The following ZNF679 variants were observed in gnomAD, a reference collection of about 807,000 sequenced individuals.
The protein encoded by ZNF679 is zinc finger protein 679.
In ZNF679, 10 loss-of-function variants were observed where a neutral mutation model predicts 13.4. That is an observed-to-expected ratio of 0.75 (90% CI 0.46 to 1.27). The LOEUF is 1.27. Among genes scored for constraint, ZNF679 ranks in the 50% most tolerant of loss-of-function variants. The pLI is 0.00. For synonymous variants in ZNF679, 179 were observed against 162.5 expected, an observed-to-expected ratio of 1.10 and a Z score of -0.77; for missense variants, 525 against 477.8, an observed-to-expected ratio of 1.10 and a Z score of -0.92.
At chr7:64,259,132 G>A (rs191116856) in intron 2 of ZNF679, among the ~76,000 whole-genome samples, 7 of 152,130 alleles carry the variant, frequency 4.6e-5, no homozygotes, top group Admixed American at 1.3e-4. Context: ...GGCTGGTCTC[G>A]AACTCCTGAC....
At chr7:64,260,110 A>T (rs1263309784) in intron 2 of ZNF679, 111 bp from the exon 3 acceptor site, 5 of 962,736 alleles carry the variant, frequency 5.2e-6, no homozygotes, top group Non-Finnish European at 7.6e-6. Context: ...TAAGTGAGAA[A>T]CACTTCTTTT....
chr7:64,254,153 C>T (rs1203166250), intron 2 of ZNF679, among the ~76,000 whole-genome samples: 7 of 148,344 alleles, frequency 4.7e-5, no homozygotes, highest in Non-Finnish European at 3.0e-5. Flanking sequence ...GAGACAAAGT[C>T]TTGCTCTGTC....
chr7:64,232,066 G>A (rs939777963), intron 1 of ZNF679, among the ~76,000 whole-genome samples: 15 of 152,206 alleles, frequency 9.9e-5, no homozygotes, highest in Non-Finnish European at 2.2e-4. Flanking sequence ...CAGGAATGCT[G>A]AAGTTTTGTC....
chr7:64,230,318 G>A (rs1399601407), intron 1 of ZNF679, among the ~76,000 whole-genome samples: 3 of 152,082 alleles, frequency 2.0e-5, no homozygotes, highest in Admixed American at 6.5e-5. Context: ...TGGATCATGA[G>A]GTCAGGAGAT....
At chr7:64,259,443 G>A (rs750656529) in intron 2 of ZNF679, among the ~76,000 whole-genome samples, 57 of 152,214 alleles carry the variant, frequency 3.7e-4, no homozygotes, top group Non-Finnish European at 6.0e-4. Context: ...TTAGTTCCAT[G>A]CAGAACAGGA....
chr7:64,266,475 C>T lies in ZNF679; in HGVS notation c.842C>T (p.Ser281Leu). Residue 281 changes from serine to leucine, a missense_variant, in exon 5 of 5, where the codon TCA becomes TTA. Ser to Leu is a moderately radical substitution (Grantham distance 145, BLOSUM62 -2). Transcript: ENST00000421025. ...TGTGGCCAAGCCTTTAGCCGCTCCT[C>T]AACACTTGCTAACCACAAGAGAATT... ...EECGQAFSRS[S>L]TLANHKRIHT... 1.2e-6 allele frequency: 2 copies of T among 1,613,054 alleles called. No individual in the cohort carries two copies. Among genetic ancestry groups the T allele is most frequent in the South Asian group, 1.1e-5 (1 of 91,002 alleles).
intron 1 of ZNF679, among the ~76,000 whole-genome samples, chr7:64,231,130 G>A (rs117776820): frequency 0.036 from 5,439 of 152,276 alleles, 171 homozygotes; most frequent in East Asian, 0.16. Context: ...ATGCATATGA[G>A]TGTTGTAATC....
chr7:64,232,124 C>T (rs1483578706), intron 1 of ZNF679, among the ~76,000 whole-genome samples: 2 of 152,188 alleles, frequency 1.3e-5, no homozygotes, highest in African/African-American at 4.8e-5. Flanking sequence ...GTGGAGGTTG[C>T]AGTGAGCAGA....
At chr7:64,260,543 G>A (rs1166068972) in intron 3 of ZNF679, among the ~76,000 whole-genome samples, 196 bp downstream of exon 3, 1 of 152,082 alleles carries the variant, frequency 6.6e-6, no homozygotes, top group African/African-American at 2.4e-5. Context: ...CTGAGCTTAT[G>A]TATCTTTCAC....
intron 2 of ZNF679, among the ~76,000 whole-genome samples, chr7:64,255,388 A>G (rs1390203795): frequency 6.6e-6 from 1 of 152,094 alleles, no homozygotes; most frequent in Non-Finnish European, 1.5e-5. Context: ...CCAAAATCCC[A>G]TTAATGTGCC....
chr7:64,229,769 G>A lies in ZNF679; in HGVS notation c.-91+1117G>A, dbSNP rs529774923. On this transcript the variant is annotated intron_variant, in intron 1 of 4. Transcript: ENST00000421025. The stretch of plus-strand genomic sequence containing the variant: ...GTCTATGTATGAGAGTCATCATCAT[G>A]TCTGCTAACTGGGCCTGGGTATATG... Among the ~76,000 whole-genome samples the A allele has an allele frequency of 7.9e-5, 12 of 152,296 alleles. No homozygotes were observed. In the South Asian group the frequency reaches 1.0e-3, roughly 13 times the overall value.
At chr7:64,249,234 A>G in intron 2 of ZNF679, 78 bp downstream of exon 2, 1 of 1,612,694 alleles carries the variant, frequency 6.2e-7, no homozygotes, top group Non-Finnish European at 8.5e-7. Flanking sequence ...AGCAGGACCC[A>G]AACTTCCTCG....
At chr7:64,265,179 A>G (rs1201612021) in intron 4 of ZNF679, among the ~76,000 whole-genome samples, 1 of 152,160 alleles carries the variant, frequency 6.6e-6, no homozygotes, top group African/African-American at 2.4e-5. Context: ...ACATTAACAT[A>G]AAACTACCTT....
chr7:64,261,728 G>A (rs1382191267), intron 4 of ZNF679, among the ~76,000 whole-genome samples: 5 of 151,334 alleles, frequency 3.3e-5, no homozygotes, highest in African/African-American at 1.2e-4. Flanking sequence ...AAGTAATTTT[G>A]TTTTGTATTG....
At chr7:64,238,966 G>A (rs185998152) in intron 1 of ZNF679, among the ~76,000 whole-genome samples, 1 of 152,076 alleles carries the variant, frequency 6.6e-6, no homozygotes, top group Non-Finnish European at 1.5e-5. Flanking sequence ...AAGGTCCTGG[G>A]TCTTCTACTT....
At chr7:64,260,749 A>C (rs533584620) in intron 3 of ZNF679, 85 bp from the exon 4 acceptor site, 1 of 1,339,860 alleles carries the variant, frequency 7.5e-7, no homozygotes, top group African/African-American at 1.5e-5. Context: ...ATTTTCTATT[A>C]TATCCTCTTT....
intron 2 of ZNF679, among the ~76,000 whole-genome samples, chr7:64,251,136 C>G (rs529011474): frequency 1.3e-5 from 2 of 152,034 alleles, no homozygotes; most frequent in African/African-American, 4.8e-5. Context: ...AAAAAAGTTT[C>G]CCGTTTATAA....
chr7:64,256,496 T>G (rs1390451539), intron 2 of ZNF679, among the ~76,000 whole-genome samples: 1 of 152,158 alleles, frequency 6.6e-6, no homozygotes, highest in Non-Finnish European at 1.5e-5. Flanking sequence ...TGCCAAACTG[T>G]TTTTCTCAAT....
chr7:64,249,252 C>T, intron 2 of ZNF679, 96 bp downstream of exon 2: 1 of 1,601,648 alleles, frequency 6.2e-7, no homozygotes, highest in Non-Finnish European at 8.5e-7. Context: ...TCGCAGTCAG[C>T]TCCGGAGTCT....
Sources: allele counts gnomAD v4.1 joint callset (sites outside exome capture counted in the v4.1 genomes callset), GRCh38; gene constraint gnomAD v4.1.1; transcripts MANE v1.5; gene names NCBI Gene and HGNC (gene_info 2026-07-23, HGNC 2026-07-21).